Variants in TNIK observed in about 807,000 individuals in gnomAD.
The protein encoded by TNIK is TRAF2 and NCK-interacting protein kinase.
A neutral mutation model predicts 191.3 loss-of-function variants in TNIK; 49 were observed. The ratio of observed to expected loss-of-function variants is 0.26; its 90% confidence interval spans 0.20 to 0.32. TNIK has a LOEUF of 0.32. TNIK is among the 10% of genes least tolerant of loss of function. The probability of loss-of-function intolerance (pLI) is 1.00; values close to 1 mark genes in which losing one functional copy is unlikely to be tolerated. For synonymous variants in TNIK, 594 were observed against 600.9 expected (o/e 0.99, Z 0.17); for missense variants, 1,155 against 1,702.3 (o/e 0.68, Z 5.66).
intron 4 of TNIK, among the ~76,000 whole-genome samples, chr3:171,204,288 G>A (rs1005822582): frequency 1.3e-5 from 2 of 152,170 alleles, no homozygotes; most frequent in Admixed American, 1.3e-4. Flanking sequence ...TTTCCACAAA[G>A]AGCTAGTGCT....
At chr3:171,164,908 G>A (rs911535363) in intron 10 of TNIK, among the ~76,000 whole-genome samples, 1 of 152,186 alleles carries the variant, frequency 6.6e-6, no homozygotes, top group African/African-American at 2.4e-5. Context: ...CTGCAGATGA[G>A]CCACCGTTTT....
Position 171,140,449 on chromosome 3 carries a change from C to T in TNIK, c.1282G>A (p.Glu428Lys). ...TCCTCCTCCCGGCGCATCTGCTCCT[C>T]ATAGTGCCGGCGCTGCTCCCTCTCC... ...QQEREQRRHY[E>K]EQMRREEERR... The change falls in exon 13 of 33, where the codon GAG becomes AAG. Residue 428 changes from glutamate to lysine, a missense_variant. Coordinates refer to ENST00000436636, the MANE Select transcript of TNIK (RefSeq NM_015028.4). 1 of 1,612,124 alleles carries T rather than the reference C, an allele frequency of 6.2e-7. No homozygotes were observed. Among genetic ancestry groups the T allele is most frequent in the Non-Finnish European group, 8.5e-7 (1 of 1,179,114 alleles).
intron 2 of TNIK, among the ~76,000 whole-genome samples, chr3:171,250,976 G>A (rs1470328043): frequency 6.6e-6 from 1 of 152,186 alleles, no homozygotes; most frequent in Non-Finnish European, 1.5e-5. Flanking sequence ...ATGGTCACAA[G>A]CCTAGTGTGT....
chr3:171,460,231 C>A lies in TNIK; in HGVS notation c.-168G>T. The A allele has an allele frequency of 1.2e-6, 1 of 834,976 alleles. No individual in the cohort carries two copies. The highest frequency in any genetic ancestry group is 1.9e-6 in the Non-Finnish European group (1 of 538,096). The allele number at this position is 834,976 out of a possible 1,614,324, so 51.7% of individuals were successfully genotyped here. ...CCCACAGCGCCGGATCCCGATCCTC[C>A]GCGCGTCGGTCCGCCGGGTCCGGGA... On this transcript the variant is annotated 5_prime_UTR_variant, in exon 1 of 33. Coordinates refer to ENST00000436636, the MANE Select transcript of TNIK (RefSeq NM_015028.4). This position sits in a 1 kb window ranked among gnomAD's most constrained non-coding sequence, Gnocchi z 6.8.
intron 4 of TNIK, among the ~76,000 whole-genome samples, chr3:171,207,674 G>C (rs1317534279): frequency 6.6e-6 from 1 of 152,152 alleles, no homozygotes; most frequent in Non-Finnish European, 1.5e-5. Flanking sequence ...ATCTGCTGCA[G>C]CTTCTGGCAA....
intron 1 of TNIK, among the ~76,000 whole-genome samples, chr3:171,437,877 T>C (rs1726217922): frequency 6.6e-6 from 1 of 152,228 alleles, no homozygotes; most frequent in Non-Finnish European, 1.5e-5. Context: ...GTGCCACTAA[T>C]GACAGGTGCT....
intron 1 of TNIK, among the ~76,000 whole-genome samples, chr3:171,370,370 T>A (rs1716322094): frequency 6.6e-6 from 1 of 152,224 alleles, no homozygotes; most frequent in Non-Finnish European, 1.5e-5. Context: ...CAATCAGTTG[T>A]CCACTAACCC....
chr3:171,117,857 C>A (rs984964942), intron 18 of TNIK, among the ~76,000 whole-genome samples: 2 of 152,106 alleles, frequency 1.3e-5, no homozygotes, highest in Admixed American at 6.6e-5. Context: ...GTAGTCCCAG[C>A]TACTTGGGAG....
At chr3:171,391,839 C>A (rs1333932436) in intron 1 of TNIK, among the ~76,000 whole-genome samples, 1 of 152,082 alleles carries the variant, frequency 6.6e-6, no homozygotes, top group African/African-American at 2.4e-5. Flanking sequence ...TAGTATATAA[C>A]AATAACTGTG....
rs568593580 is a variant in TNIK, at chr3:171,427,809, G to A, written c.57+32198C>T. ...AAAATACTTAAGTCAGGTGATAAGC[G>A]CCATGGAGTTACAACTTATAAAAGA... is the stretch of plus-strand genomic sequence containing the variant. On this transcript the variant is annotated intron_variant, in intron 1 of 32. Coordinates refer to ENST00000436636, the MANE Select transcript of TNIK (RefSeq NM_015028.4). 5.9e-5 allele frequency among the ~76,000 whole-genome samples: 9 copies of A among 152,268 alleles called. No homozygotes were observed. In the South Asian group the frequency reaches 1.2e-3, roughly 21 times the overall value.
intron 1 of TNIK, among the ~76,000 whole-genome samples, chr3:171,383,230 C>T (rs1214927567): frequency 5.3e-5 from 8 of 152,172 alleles, no homozygotes; most frequent in African/African-American, 7.2e-5. Context: ...AAGGTGCCTA[C>T]GTTCACAAGG....
At chr3:171,310,714 T>C (rs1204006494) in intron 2 of TNIK, among the ~76,000 whole-genome samples, 2 of 151,980 alleles carry the variant, frequency 1.3e-5, no homozygotes, top group Non-Finnish European at 2.9e-5. Context: ...AGCAATCTCT[T>C]GTTACATGTT....
intron 11 of TNIK, among the ~76,000 whole-genome samples, chr3:171,160,641 C>T (rs1459257532): frequency 1.3e-5 from 2 of 152,016 alleles, no homozygotes; most frequent in African/African-American, 4.8e-5. Flanking sequence ...CTTATAAACA[C>T]AGACTAGAAG....
intron 20 of TNIK, among the ~76,000 whole-genome samples, 176 bp from the exon 21 acceptor site, chr3:171,107,382 G>A (rs763991963): frequency 3.3e-5 from 5 of 152,118 alleles, no homozygotes; most frequent in Non-Finnish European, 7.4e-5. Context: ...CTCGGTATAC[G>A]TCGTTACTTT....
At chr3:171,324,779 G>C (rs754227749) in intron 2 of TNIK, among the ~76,000 whole-genome samples, 33 of 152,090 alleles carry the variant, frequency 2.2e-4, no homozygotes, top group Non-Finnish European at 4.4e-5. Flanking sequence ...TTACGTAGTC[G>C]TCAGAAAGAG....
rs75236068 is a variant in TNIK at position 171,272,900 on chromosome 3, G to T, written c.124-44679C>A. ...TGGGTGAGGTCAGGTTTCCCTGATT[G>T]TACCCTTATGGCCACGTACTGATGT... On this transcript the variant is annotated intron_variant, in intron 2 of 32. Coordinates refer to ENST00000436636, the MANE Select transcript of TNIK (RefSeq NM_015028.4). 4.1e-4 allele frequency among the ~76,000 whole-genome samples: 63 copies of T among 152,286 alleles called. 3 individuals are homozygous for T. The East Asian group carries it at 0.012, about 29-fold the overall frequency.
At chr3:171,236,455 C>A (rs565621169) in intron 2 of TNIK, among the ~76,000 whole-genome samples, 3 of 152,198 alleles carry the variant, frequency 2.0e-5, no homozygotes, top group Admixed American at 2.0e-4. Flanking sequence ...CTGAAATAGG[C>A]CCTGGAGGCT....
intron 4 of TNIK, among the ~76,000 whole-genome samples, chr3:171,197,507 G>A (rs1330172157): frequency 6.6e-6 from 1 of 152,146 alleles, no homozygotes; most frequent in Admixed American, 6.5e-5. Context: ...TCATATATCT[G>A]ATAAAGGTCT....
chr3:171,147,401 G>T (rs1466480847), intron 12 of TNIK, among the ~76,000 whole-genome samples: 5 of 152,178 alleles, frequency 3.3e-5, no homozygotes, highest in African/African-American at 1.2e-4. Context: ...CTTGTGATGA[G>T]AGGTATTCCA....
Sources: gnomAD v4.1 joint callset for allele counts (sites outside exome capture counted in the v4.1 genomes callset) on GRCh38, gnomAD v4.1.1 for gene constraint, Gnocchi (gnomAD v3.1) non-coding constraint, MANE v1.5 for transcripts, NCBI Gene and HGNC (gene_info 2026-07-23, HGNC 2026-07-21) for gene names.